The following TMPRSS15 variants were observed in gnomAD, a reference collection of about 807,000 sequenced individuals.
TMPRSS15 encodes enteropeptidase.
A neutral mutation model predicts 125.3 loss-of-function variants in TMPRSS15; 128 were observed. The observed-to-expected ratio is 1.02, with a 90% CI of 0.89 to 1.18. TMPRSS15 has a LOEUF of 1.18. TMPRSS15 is among the 50% of genes most tolerant of loss of function. The probability of loss-of-function intolerance (pLI) is 0.00; values close to 1 mark genes in which losing one functional copy is unlikely to be tolerated. For synonymous variants in TMPRSS15, 446 were observed against 423.2 expected, an observed-to-expected ratio of 1.05 and a Z score of -0.66; for missense variants, 1,283 against 1,212.7, an observed-to-expected ratio of 1.06 and a Z score of -0.86.
Position 18,279,048 on chromosome 21 carries a change from G to T in TMPRSS15, c.2680C>A (p.Pro894Thr). The T allele has an allele frequency of 6.4e-7, 1 of 1,571,040 alleles. No individual in the cohort carries two copies. Among genetic ancestry groups the T allele is most frequent in the South Asian group, 1.1e-5 (1 of 89,274 alleles). ...TGATTTTCTTCCGGTAAACAAATAG[G>T]TTGTATGTAATCTGGAAAAACAAGC... The part of the protein sequence containing the change: ...FKVNYTDYIQ[P>T]ICLPEENQVF... Residue 894 changes from proline to threonine, a missense_variant, in exon 23 of 25, where the codon CCT becomes ACT. Pro to Thr is a conservative substitution (Grantham distance 38). Transcript: ENST00000284885.
intron 1 of TMPRSS15, among the ~76,000 whole-genome samples, chr21:18,454,649 AAAGGCTGGAGGATCACAAGCTCC>A (rs1279815242): frequency 4.6e-5 from 7 of 152,114 alleles, no homozygotes; most frequent in African/African-American, 1.7e-4. Context: ...GCCAGAGTCT[AAAGGCTGGAGGATCACAAGCTCC>A]AACGTCCAAG....
intron 3 of TMPRSS15, among the ~76,000 whole-genome samples, chr21:18,385,438 T>C (rs944492205): frequency 2.0e-5 from 3 of 152,324 alleles, no homozygotes; most frequent in African/African-American, 7.2e-5. Flanking sequence ...TTCGTGGGTG[T>C]ATTACCTGGC....
chr21:18,476,245 T>G (rs925975051), intron 1 of TMPRSS15, among the ~76,000 whole-genome samples: 1 of 152,174 alleles, frequency 6.6e-6, no homozygotes, highest in African/African-American at 2.4e-5. Flanking sequence ...GATGTCCTTC[T>G]AAGTGGGATT....
At chr21:18,357,951 T>C (rs1478404467) in intron 8 of TMPRSS15, among the ~76,000 whole-genome samples, 3 of 151,748 alleles carry the variant, frequency 2.0e-5, no homozygotes, top group African/African-American at 7.2e-5. Flanking sequence ...AAATATTTAA[T>C]TTTCAAAACT....
At chr21:18,281,869 G>A (rs889143134) in intron 21 of TMPRSS15, among the ~76,000 whole-genome samples, 2 of 151,954 alleles carry the variant, frequency 1.3e-5, no homozygotes, top group Admixed American at 6.5e-5. Flanking sequence ...AGGCCGAGGC[G>A]GGCGGATCAC....
At chr21:18,290,590 C>T (rs953356270) in intron 21 of TMPRSS15, among the ~76,000 whole-genome samples, 9 of 151,598 alleles carry the variant, frequency 5.9e-5, no homozygotes, top group African/African-American at 2.2e-4. Flanking sequence ...AAAGGGGCTA[C>T]TCTACACTAA....
intron 7 of TMPRSS15, among the ~76,000 whole-genome samples, chr21:18,360,865 C>A (rs944970204): frequency 6.6e-6 from 1 of 151,960 alleles, no homozygotes; most frequent in Non-Finnish European, 1.5e-5. Flanking sequence ...ACATCACTTT[C>A]GGTAGTATGA....
chr21:18,329,352 C>G, intron 14 of TMPRSS15, 58 bp from the exon 15 acceptor site: 1 of 1,540,888 alleles, frequency 6.5e-7, no homozygotes. Context: ...CTCTTAAAAG[C>G]TTCACTCTCT....
chr21:18,355,228 T>C lies in TMPRSS15; in HGVS notation c.881-1365A>G, dbSNP rs140558712. ...TCTAGAAACTTTAAACCTATCTGCC[T>C]CTTTTTTCCTTTTTATTCCATGGCA... On this transcript the variant is annotated intron_variant, in intron 8 of 24. Transcript: ENST00000284885. Among the ~76,000 whole-genome samples the C allele has an allele frequency of 2.0e-3, 302 of 151,996 alleles. 1 individual carries two copies. Among genetic ancestry groups the C allele is most frequent in the Non-Finnish European group, 3.0e-3 (201 of 67,846 alleles).
Position 18,298,820 on chromosome 21 carries a change from T to C in TMPRSS15, c.2166-991A>G, listed in dbSNP as rs1212964311. On this transcript the variant is annotated intron_variant, in intron 18 of 24. Transcript: ENST00000284885. ...AAGCCCCAATGTCTTCCCCAGGCTA[T>C]TGCCAACACTGACCCTTTTCTGTCT... Among the ~76,000 whole-genome samples, 3 of 152,180 alleles carry C rather than the reference T, an allele frequency of 2.0e-5. No individual in the cohort carries two copies. In the East Asian group the frequency reaches 5.8e-4, roughly 29 times the overall value.
rs141602486 is a variant in TMPRSS15, at chr21:18,284,157, T to C, written c.2487-2936A>G. 2.3e-3 allele frequency among the ~76,000 whole-genome samples: 346 copies of C among 152,286 alleles called. 7 individuals carry two copies. In the East Asian group the frequency reaches 0.059, roughly 26 times the overall value. ...ATAGGAAAAATTCCGCCGCCATGTA[T>C]CATTTACATCTTTCCTTCAAAGAGA... is the stretch of plus-strand genomic sequence containing the variant. On this transcript the variant is annotated intron_variant, in intron 21 of 24. Coordinates refer to ENST00000284885, the MANE Select transcript of TMPRSS15 (RefSeq NM_002772.3).
chr21:18,453,843 A>G (rs1279328446), intron 1 of TMPRSS15, among the ~76,000 whole-genome samples: 1 of 152,200 alleles, frequency 6.6e-6, no homozygotes, highest in Admixed American at 6.6e-5. Flanking sequence ...CTGCCATTTG[A>G]GACAACATGG....
intron 3 of TMPRSS15, among the ~76,000 whole-genome samples, chr21:18,390,198 AG>A (rs1452892735): frequency 6.6e-6 from 1 of 152,210 alleles, no homozygotes; most frequent in Non-Finnish European, 1.5e-5. Flanking sequence ...TTTCAAGTCA[AG>A]GGACTCCTTC....
intron 10 of TMPRSS15, among the ~76,000 whole-genome samples, chr21:18,344,984 A>G (rs2075489836): frequency 6.6e-6 from 1 of 152,218 alleles, no homozygotes; most frequent in South Asian, 2.1e-4. Flanking sequence ...AATGTTGCAT[A>G]TAAACTTTAA....
intron 17 of TMPRSS15, among the ~76,000 whole-genome samples, 182 bp downstream of exon 17, chr21:18,314,964 A>G (rs1475121682): frequency 6.6e-6 from 1 of 152,200 alleles, no homozygotes; most frequent in African/African-American, 2.4e-5. Flanking sequence ...AGGCCTGCGT[A>G]TTAACTTTTC....
chr21:18,309,451 A>G (rs942021857), intron 18 of TMPRSS15, among the ~76,000 whole-genome samples: 2 of 152,232 alleles, frequency 1.3e-5, no homozygotes, highest in Non-Finnish European at 2.9e-5. Context: ...AAAAGAAACT[A>G]TCATTAGAGT....
At chr21:18,450,405 C>T (rs549474091) in intron 1 of TMPRSS15, among the ~76,000 whole-genome samples, 1 of 152,172 alleles carries the variant, frequency 6.6e-6, no homozygotes, top group Admixed American at 6.6e-5. Context: ...CCTATGAGCC[C>T]TGAAAACGTG....
At chr21:18,299,109 T>C (rs771510903) in intron 18 of TMPRSS15, among the ~76,000 whole-genome samples, 2 of 152,198 alleles carry the variant, frequency 1.3e-5, no homozygotes, top group Non-Finnish European at 2.9e-5. Flanking sequence ...AAGCCTGAAA[T>C]GGATTTACCA....
chr21:18,477,303 T>G (rs1978899597), intron 1 of TMPRSS15: 1 of 152,172 alleles, frequency 6.6e-6, no homozygotes, highest in Non-Finnish European at 1.5e-5. Context: ...AGCGGCTGGA[T>G]ATGAATTGGA....
Sources: allele counts gnomAD v4.1 joint callset (sites outside exome capture counted in the v4.1 genomes callset), GRCh38; gene constraint gnomAD v4.1.1; transcripts MANE v1.5; gene names NCBI Gene and HGNC (gene_info 2026-07-23, HGNC 2026-07-21).